Variants in RNGTT observed in about 807,000 individuals in gnomAD.
The protein encoded by RNGTT is RNA guanylyltransferase and 5'-phosphatase.
In RNGTT, 33 loss-of-function variants were observed where a neutral mutation model predicts 79.3. The ratio of observed to expected loss-of-function variants is 0.42; its 90% CI spans 0.32 to 0.56. RNGTT has a LOEUF of 0.56. Ranked by LOEUF, RNGTT falls within the 20% of genes least tolerant of loss-of-function variation. The pLI, the probability that RNGTT is intolerant of heterozygous loss-of-function variation, is 0.17. For missense variants in RNGTT, 497 were observed against 739.1 expected, an observed-to-expected ratio of 0.67 and a Z score of 3.80; for synonymous variants, 222 against 235.9, an observed-to-expected ratio of 0.94 and a Z score of 0.54.
intron 13 of RNGTT, among the ~76,000 whole-genome samples, chr6:88,684,274 T>C (rs143083820): frequency 2.2e-4 from 33 of 152,246 alleles, no homozygotes; most frequent in Non-Finnish European, 2.5e-4. Flanking sequence ...CTCGCGAGCA[T>C]TGCTGGTGGG....
intron 13 of RNGTT, among the ~76,000 whole-genome samples, chr6:88,685,114 T>TGATTGCCAGGAGATCAGGGGGAGGAAAA (rs1775228663): frequency 6.6e-6 from 1 of 152,140 alleles, no homozygotes; most frequent in South Asian, 2.1e-4. Flanking sequence ...GCAAGATCAG[T>TGATTGCCAGGAGATCAGGGGGAGGAAAA]GATTGCCAGG....
chr6:88,764,097 T>C lies in RNGTT; in HGVS notation c.1439+5677A>G, dbSNP rs545609896. On this transcript the variant is annotated intron_variant, in intron 13 of 15. Coordinates refer to ENST00000369485, the MANE Select transcript of RNGTT (RefSeq NM_003800.5). ...AGCAACTGGCTTCTTATGAACCCTA[T>C]AAGGCCTCCTCCAATCTTCTAAATT... is the stretch of plus-strand genomic sequence containing the variant. Among the ~76,000 whole-genome samples the C allele has an allele frequency of 9.2e-5, 14 of 152,314 alleles. No homozygotes were observed. The South Asian group carries it at 2.9e-3, about 32-fold the overall frequency.
At chr6:88,956,891 T>C (rs1371739009) in intron 1 of RNGTT, among the ~76,000 whole-genome samples, 1 of 151,794 alleles carries the variant, frequency 6.6e-6, no homozygotes, top group Non-Finnish European at 1.5e-5. Context: ...ATACAAAAAT[T>C]AGCCAGACGT....
intron 14 of RNGTT, among the ~76,000 whole-genome samples, chr6:88,655,352 C>T (rs1280009165): frequency 6.6e-6 from 1 of 152,050 alleles, no homozygotes; most frequent in Non-Finnish European, 1.5e-5. Context: ...GAAATGATGT[C>T]CAAGTGGATG....
intron 13 of RNGTT, among the ~76,000 whole-genome samples, chr6:88,717,661 A>G (rs1354925785): frequency 6.6e-6 from 1 of 151,606 alleles, no homozygotes; most frequent in Non-Finnish European, 1.5e-5. Context: ...CCAGCAACGC[A>G]AAAACGCCAA....
chr6:88,780,698 C>T (rs1215813250), intron 12 of RNGTT, among the ~76,000 whole-genome samples: 2 of 151,986 alleles, frequency 1.3e-5, no homozygotes, highest in Admixed American at 6.6e-5. Context: ...TATCCATTGC[C>T]ATTGTAAAGT....
At chr6:88,928,889 G>GA (rs1409633558) in intron 4 of RNGTT, 96 bp downstream of exon 4, 3 of 839,952 alleles carry the variant, frequency 3.6e-6, no homozygotes, top group Non-Finnish European at 3.8e-6. Context: ...ATTTAAAACA[G>GA]AAAAAACTTT....
intron 8 of RNGTT, among the ~76,000 whole-genome samples, chr6:88,874,212 T>C (rs9342171): frequency 0.041 from 6,249 of 152,244 alleles, 189 homozygotes; most frequent in African/African-American, 0.077. Context: ...AAGTTAAATA[T>C]GTAAAATACA....
intron 14 of RNGTT, among the ~76,000 whole-genome samples, chr6:88,643,788 T>C (rs1009587621): frequency 1.3e-5 from 2 of 152,200 alleles, no homozygotes; most frequent in African/African-American, 2.4e-5. Context: ...GAAATAAAGA[T>C]GTTCTTTGAA....
At chr6:88,627,932 C>T (rs1772696116) in intron 14 of RNGTT, among the ~76,000 whole-genome samples, 1 of 152,140 alleles carries the variant, frequency 6.6e-6, no homozygotes, top group Admixed American at 6.6e-5. Context: ...GCAGCTATAA[C>T]CTGCCTTTGA....
chr6:88,745,780 GA>G (rs1284905517), intron 13 of RNGTT, among the ~76,000 whole-genome samples: 4 of 150,950 alleles, frequency 2.6e-5, no homozygotes, highest in Admixed American at 1.3e-4. Flanking sequence ...AAAAGCAGAA[GA>G]AAAAAAGGCT....
In RNGTT at chr6:88,817,749, A is replaced by ATTTTTTTT. The variant is rs71554802; in HGVS notation, c.1270-16125_1270-16118dup. Among the ~76,000 whole-genome samples the ATTTTTTTT allele has an allele frequency of 4.1e-4, 29 of 71,570 alleles. 4 individuals are homozygous for ATTTTTTTT. The highest frequency in any genetic ancestry group is 5.1e-4 in the African/African-American group (9 of 17,732). The allele number at this position is 71,570 out of a possible 152,430, so 47.0% of individuals were successfully genotyped here. The stretch of plus-strand genomic sequence containing the variant: ...TTCACCATCCAAGTCTATTCACATC[A>ATTTTTTTT]TTTTTTTTTTTTTTTTTTTTTTTTT... On this transcript the variant is annotated intron_variant, in intron 11 of 15. Transcript: ENST00000369485.
chr6:88,648,250 G>GT (rs1773653686), intron 14 of RNGTT, among the ~76,000 whole-genome samples: 1 of 152,054 alleles, frequency 6.6e-6, no homozygotes. Flanking sequence ...TTTATTACTA[G>GT]TTTTTTAAGC....
intron 11 of RNGTT, among the ~76,000 whole-genome samples, chr6:88,841,461 T>C (rs921147067): frequency 5.9e-5 from 9 of 152,198 alleles, no homozygotes; most frequent in African/African-American, 1.9e-4. Context: ...TATGTTGCTA[T>C]ATTTTTGTAC....
intron 11 of RNGTT, among the ~76,000 whole-genome samples, chr6:88,832,283 G>A (rs1370738503): frequency 5.9e-5 from 9 of 152,174 alleles, no homozygotes; most frequent in Admixed American, 5.2e-4. Flanking sequence ...CAGAAAAAAC[G>A]CCACACATCT....
chr6:88,885,120 A>T (rs987511950), intron 8 of RNGTT, among the ~76,000 whole-genome samples: 1 of 149,758 alleles, frequency 6.7e-6, no homozygotes, highest in African/African-American at 2.4e-5. Flanking sequence ...GTATATACTC[A>T]CACACACACA....
intron 7 of RNGTT, among the ~76,000 whole-genome samples, 178 bp downstream of exon 7, chr6:88,891,628 T>A (rs542520982): frequency 6.6e-6 from 1 of 152,260 alleles, no homozygotes; most frequent in South Asian, 2.1e-4. Flanking sequence ...GTGAGTCATC[T>A]AATTTTGACT....
At chr6:88,791,147 T>C (rs1350726581) in intron 12 of RNGTT, among the ~76,000 whole-genome samples, 4 of 151,764 alleles carry the variant, frequency 2.6e-5, no homozygotes, top group African/African-American at 9.7e-5. Context: ...TACCTTTTTT[T>C]TTTTTTTTTT....
intron 11 of RNGTT, among the ~76,000 whole-genome samples, chr6:88,835,510 A>G (rs1254911430): frequency 6.6e-6 from 1 of 152,236 alleles, no homozygotes; most frequent in African/African-American, 2.4e-5. Flanking sequence ...CAATTAGACA[A>G]GAATATATCA....
Sources: allele counts gnomAD v4.1 joint callset (sites outside exome capture counted in the v4.1 genomes callset), GRCh38; gene constraint gnomAD v4.1.1; transcripts MANE v1.5; gene names NCBI Gene and HGNC (gene_info 2026-07-23, HGNC 2026-07-21).